Variants in ZNF423 observed in about 807,000 individuals in gnomAD.
The protein encoded by ZNF423 is zinc finger protein 423.
Under a neutral mutation model 95.8 loss-of-function variants are expected in ZNF423, and 12 were observed. The observed-to-expected ratio is 0.13, with a 90% CI of 0.08 to 0.20. The LOEUF is 0.20. ZNF423 is among the 10% of genes least tolerant of loss of function. ZNF423 has a pLI of 1.00. For missense variants in ZNF423, 1,316 were observed against 1,737.1 expected (o/e 0.76, Z 4.31); for synonymous variants, 749 against 711.9 (o/e 1.05, Z -0.83).
intron 5 of ZNF423, among the ~76,000 whole-genome samples, chr16:49,574,980 C>A (rs927692814): frequency 1.3e-5 from 2 of 152,180 alleles, no homozygotes; most frequent in Admixed American, 6.5e-5. Context: ...TGCTAGAAGG[C>A]CCAGATGCCC....
intron 1 of ZNF423, among the ~76,000 whole-genome samples, chr16:49,849,518 A>G (rs2144120260): frequency 6.6e-6 from 1 of 152,312 alleles, no homozygotes; most frequent in Non-Finnish European, 1.5e-5. Flanking sequence ...TAGTCACTAT[A>G]TCAATAAGAA....
At chr16:49,653,311 C>CAA (rs5816652) in intron 3 of ZNF423, among the ~76,000 whole-genome samples, 2,925 of 99,096 alleles carry the variant, frequency 0.03, 88 homozygotes, top group Non-Finnish European at 0.047. Context: ...CAAGAACCAC[C>CAA]AAAAAAAAAA....
In ZNF423 at chr16:49,623,944, C is replaced by A. The variant is rs185169724; in HGVS notation, c.3601+2226G>T. On this transcript the variant is annotated intron_variant, in intron 5 of 7. Coordinates refer to ENST00000563137, the MANE Select transcript of ZNF423 (RefSeq NM_001379286.1). ...TCACTAAAGAAGGGCCTTTGCAATG[C>A]AAACCTTAAACAAAACCTTGATGGC... Among the ~76,000 whole-genome samples the A allele has an allele frequency of 2.2e-3, 332 of 152,296 alleles. 2 individuals are homozygous for A. The highest frequency in any genetic ancestry group is 3.5e-3 in the Admixed American group (54 of 15,302).
At chr16:49,541,725 C>G (rs1969255153) in intron 5 of ZNF423, among the ~76,000 whole-genome samples, 1 of 152,026 alleles carries the variant, frequency 6.6e-6, no homozygotes, top group Admixed American at 6.5e-5. Context: ...GGGGGCAGTT[C>G]CCCCCATGCT....
At chr16:49,809,235 T>A (rs1208516355) in intron 1 of ZNF423, among the ~76,000 whole-genome samples, 1 of 152,188 alleles carries the variant, frequency 6.6e-6, no homozygotes, top group African/African-American at 2.4e-5. Flanking sequence ...CCACACATAA[T>A]GCGAGGACAC....
chr16:49,799,460 C>T (rs904295686), intron 1 of ZNF423, among the ~76,000 whole-genome samples: 1 of 150,852 alleles, frequency 6.6e-6, no homozygotes, highest in African/African-American at 2.4e-5. Context: ...ACAGATGCCT[C>T]AGCATCACTG....
intron 5 of ZNF423, among the ~76,000 whole-genome samples, chr16:49,619,742 T>C (rs1000489326): frequency 4.6e-5 from 7 of 152,228 alleles, no homozygotes; most frequent in Non-Finnish European, 1.0e-4. Context: ...GGTCTGGTGT[T>C]ACCTGAATCA....
intron 5 of ZNF423, among the ~76,000 whole-genome samples, chr16:49,602,991 C>A (rs984209404): frequency 3.3e-5 from 5 of 152,220 alleles, no homozygotes; most frequent in African/African-American, 1.2e-4. Context: ...CGCGTGGAGC[C>A]CTGGCACCTC....
chr16:49,642,747 C>T (rs1386492808), intron 3 of ZNF423, among the ~76,000 whole-genome samples: 6 of 151,792 alleles, frequency 4.0e-5, no homozygotes, highest in Non-Finnish European at 5.9e-5. Flanking sequence ...TAAGCTAGGG[C>T]CAAAGCTCGG....
chr16:49,555,382 T>C (rs936383535), intron 5 of ZNF423, among the ~76,000 whole-genome samples: 3 of 152,228 alleles, frequency 2.0e-5, no homozygotes, highest in Admixed American at 1.3e-4. Flanking sequence ...TACTGAGCCC[T>C]TACCATGCCA....
At chr16:49,558,639 TCCACACACAC>T (rs1969916086) in intron 5 of ZNF423, among the ~76,000 whole-genome samples, 2 of 152,002 alleles carry the variant, frequency 1.3e-5, no homozygotes, top group South Asian at 4.2e-4. Flanking sequence ...TGCTAAGGGA[TCCACACACAC>T]CCACACACAC....
intron 5 of ZNF423, among the ~76,000 whole-genome samples, chr16:49,600,402 C>T (rs1212648362): frequency 6.6e-6 from 1 of 152,140 alleles, no homozygotes; most frequent in Non-Finnish European, 1.5e-5. Flanking sequence ...AGGACCCTCA[C>T]TCGGGCAGCT....
chr16:49,676,984 G>A (rs1214963713), intron 3 of ZNF423, among the ~76,000 whole-genome samples: 9 of 151,966 alleles, frequency 5.9e-5, no homozygotes, highest in East Asian at 5.9e-4. Flanking sequence ...TTGGGAGGCC[G>A]AGGTGGGCGG....
intron 1 of ZNF423, among the ~76,000 whole-genome samples, chr16:49,825,233 G>A (rs1056535496): frequency 1.3e-5 from 2 of 152,080 alleles, no homozygotes; most frequent in African/African-American, 4.8e-5. Flanking sequence ...GTTTCCTTTG[G>A]TTGTTGAAAA....
chr16:49,820,687 GT>G (rs1484487530), intron 1 of ZNF423, among the ~76,000 whole-genome samples: 2 of 152,200 alleles, frequency 1.3e-5, no homozygotes, highest in African/African-American at 4.8e-5. Flanking sequence ...TTACCTGGCT[GT>G]CTTTTCCCTA....
chr16:49,615,278 G>A (rs1015453449), intron 5 of ZNF423, among the ~76,000 whole-genome samples: 4 of 152,118 alleles, frequency 2.6e-5, no homozygotes, highest in South Asian at 2.1e-4. Context: ...TGCAAATTTC[G>A]GACAAGAAAT....
At chr16:49,725,052 G>A (rs1206239222) in intron 3 of ZNF423, among the ~76,000 whole-genome samples, 1 of 152,138 alleles carries the variant, frequency 6.6e-6, no homozygotes, top group East Asian at 1.9e-4. Context: ...GACACGATCT[G>A]TAACCTTGAG....
intron 5 of ZNF423, among the ~76,000 whole-genome samples, chr16:49,529,721 C>T (rs1295549222): frequency 6.6e-6 from 1 of 152,104 alleles, no homozygotes; most frequent in Non-Finnish European, 1.5e-5. Context: ...CTCAGGTGGG[C>T]CCCACTGATG....
chr16:49,761,403 C>T (rs1283816625), intron 2 of ZNF423, among the ~76,000 whole-genome samples: 1 of 152,220 alleles, frequency 6.6e-6, no homozygotes, highest in Non-Finnish European at 1.5e-5. Context: ...AGATCCCCAG[C>T]GAGCCTGCTC....
Sources: gnomAD v4.1 joint callset for allele counts (sites outside exome capture counted in the v4.1 genomes callset) on GRCh38, gnomAD v4.1.1 for gene constraint, MANE v1.5 for transcripts, NCBI Gene and HGNC (gene_info 2026-07-23, HGNC 2026-07-21) for gene names.